MROH2A: variants seen among roughly 807,000 people sequenced by gnomAD.
The protein encoded by MROH2A is maestro heat-like repeat-containing protein family member 2A.
In MROH2A, 174 loss-of-function variants were observed where a neutral mutation model predicts 200.4. The observed-to-expected ratio is 0.87, with a 90% CI of 0.77 to 0.98. The LOEUF is 0.98. MROH2A is among the 50% of genes least tolerant of loss of function. The probability of loss-of-function intolerance (pLI) is 0.00; values close to 1 mark genes in which losing one functional copy is unlikely to be tolerated. For synonymous variants in MROH2A, 829 were observed against 840.4 expected (o/e 0.99, Z 0.23); for missense variants, 2,045 against 2,139.6 (o/e 0.96, Z 0.87).
In MROH2A at chr2:233,829,605, C is replaced by G. The variant is rs1704573797; in HGVS notation, c.4447-15C>G. 7.2e-7 allele frequency: 1 copy of G among 1,386,430 alleles called. No individual in the cohort carries two copies. Among genetic ancestry groups the G allele is most frequent in the Non-Finnish European group, 9.4e-7 (1 of 1,065,664 alleles). The allele number at this position is 1,386,430 out of a possible 1,614,324, so 85.9% of individuals were successfully genotyped here. ...CTGCTGCCTGCATGTCAGCCTGTGT[C>G]CATCCTGGCCACAGGAGAGCGAGCT... On this transcript the variant is annotated splice_polypyrimidine_tract_variant and intron_variant, in intron 37 of 41. Transcript: ENST00000389758.
chr2:233,814,154 G>C (rs917126871), intron 25 of MROH2A, among the ~76,000 whole-genome samples: 4 of 152,186 alleles, frequency 2.6e-5, no homozygotes, highest in African/African-American at 9.7e-5. Flanking sequence ...ATAGAAGAAA[G>C]AGAAAGTCTA....
intron 21 of MROH2A, 35 bp from the exon 22 acceptor site, chr2:233,809,091 G>GC: frequency 2.0e-6 from 3 of 1,532,462 alleles, no homozygotes; most frequent in South Asian, 1.2e-5. Flanking sequence ...AGCCCCTGCT[G>GC]CCCCCAGTGG....
chr2:233,831,931 T>A (rs950978474), intron 39 of MROH2A, among the ~76,000 whole-genome samples: 1 of 152,230 alleles, frequency 6.6e-6, no homozygotes, highest in African/African-American at 2.4e-5. Context: ...CTTGAAGTGC[T>A]GCAGGGTTAC....
intron 5 of MROH2A, among the ~76,000 whole-genome samples, chr2:233,791,416 G>A (rs751027921): frequency 3.3e-5 from 5 of 152,184 alleles, no homozygotes; most frequent in African/African-American, 7.2e-5. Flanking sequence ...CTCCTTTCCC[G>A]AGCTAGAAGC....
Position 233,807,332 on chromosome 2 carries a change from T to C in MROH2A, c.2053-91T>C. On this transcript the variant is annotated intron_variant, in intron 19 of 41. Coordinates refer to ENST00000389758, the MANE Select transcript of MROH2A (RefSeq NM_001394639.1). The surrounding 1 kb of genome is among the most constrained non-coding windows in gnomAD (Gnocchi z 4.3). ...GTATCTTCTGCACATTAAAATAAATTGAAAAATACGTAGAAAACTCTCTAC... is the reference window on the plus strand; with the variant it reads ...GTATCTTCTGCACATTAAAATAAATCGAAAAATACGTAGAAAACTCTCTAC... 7.4e-7 allele frequency: 1 copy of C among 1,347,690 alleles called. No homozygotes were observed. The highest frequency in any genetic ancestry group is 9.9e-7 in the Non-Finnish European group (1 of 1,008,848). The allele number at this position is 1,347,690 out of a possible 1,614,324, so 83.5% of individuals were successfully genotyped here.
intron 24 of MROH2A, among the ~76,000 whole-genome samples, chr2:233,813,140 A>C (rs186797855): frequency 2.0e-5 from 3 of 152,392 alleles, no homozygotes; most frequent in Non-Finnish European, 2.9e-5. Context: ...GCTAGCATGC[A>C]CCAATCACTA....
At chr2:233,831,361 A>C in intron 38 of MROH2A, 48 bp from the exon 39 acceptor site, 1 of 1,504,726 alleles carries the variant, frequency 6.6e-7, no homozygotes, top group Non-Finnish European at 8.9e-7. Flanking sequence ...CCTCTGGGGA[A>C]CCACGTGGCC....
intron 41 of MROH2A, 115 bp downstream of exon 41, chr2:233,832,759 G>T: frequency 1.5e-6 from 1 of 656,798 alleles, no homozygotes; most frequent in Non-Finnish European, 2.6e-6. Context: ...GGGTTTCGGG[G>T]GGGTGGGAGT....
intron 3 of MROH2A, among the ~76,000 whole-genome samples, chr2:233,783,235 T>C (rs1259228789): frequency 6.6e-6 from 1 of 152,204 alleles, no homozygotes; most frequent in African/African-American, 2.4e-5. Context: ...CCTTGTAGTA[T>C]GAGTTTGGCA....
rs1480146289 is a variant in MROH2A, at chr2:233,807,161, T to TAA, written c.2053-261_2053-260dup. Reference sequence around the variant, plus strand: ...AGTAGTATTCCATTATATATATATATAATATGAACTGATATATGTATATAT... The same window carrying TAA: ...AGTAGTATTCCATTATATATATATATAAAATATGAACTGATATATGTATATAT... On this transcript the variant is annotated intron_variant, in intron 19 of 41. Coordinates refer to ENST00000389758, the MANE Select transcript of MROH2A (RefSeq NM_001394639.1). This position sits in a 1 kb window ranked among gnomAD's most constrained non-coding sequence, Gnocchi z 4.3. Among the ~76,000 whole-genome samples, 1 of 151,684 alleles carries TAA rather than the reference T, an allele frequency of 6.6e-6. No individual in the cohort carries two copies. Among genetic ancestry groups the TAA allele is most frequent in the African/African-American group, 2.4e-5 (1 of 41,214 alleles).
At chr2:233,817,262 C>A (rs540013126) in intron 27 of MROH2A, among the ~76,000 whole-genome samples, 6 of 152,284 alleles carry the variant, frequency 3.9e-5, no homozygotes, top group African/African-American at 1.2e-4. Context: ...ATGTCTAGAA[C>A]GACGTAGTGT....
At chr2:233,810,382 T>C (rs1039468037) in intron 22 of MROH2A, among the ~76,000 whole-genome samples, 7 of 152,224 alleles carry the variant, frequency 4.6e-5, no homozygotes, top group African/African-American at 1.7e-4. Context: ...TGGAAACCCC[T>C]GATAAACCCA....
upstream of MROH2A, among the ~76,000 whole-genome samples, chr2:233,777,833 G>A (rs554222735): frequency 6.6e-6 from 1 of 152,322 alleles, no homozygotes; most frequent in South Asian, 2.1e-4. Context: ...AAATGACAGG[G>A]AAATCCTTTG....
intron 3 of MROH2A, among the ~76,000 whole-genome samples, chr2:233,788,365 A>G (rs151266686): frequency 2.5e-4 from 37 of 150,608 alleles, no homozygotes; most frequent in African/African-American, 8.5e-4. Context: ...CACATCATTA[A>G]TTTCTGGGAG....
chr2:233,789,652 G>T, intron 4 of MROH2A, 24 bp downstream of exon 4: 1 of 1,450,620 alleles, frequency 6.9e-7, no homozygotes, highest in East Asian at 2.5e-5. Context: ...CTCCATCGGT[G>T]CCTTCCCTCT....
At position 233,818,080 on chromosome 2, in the gene MROH2A, C is replaced by G; in HGVS notation, c.3040C>G (p.Arg1014Gly). Residue 1014 changes from arginine to glycine, a missense_variant, in exon 28 of 42, where the codon CGC becomes GGC. Physicochemically the swap from Arg to Gly is moderately radical, Grantham distance 125. Around this residue, in one of 3 missense-constraint regions of MROH2A, gnomAD observed 1,201 missense variants for 1,311.3 expected, o/e 0.92. Coordinates refer to ENST00000389758, the MANE Select transcript of MROH2A (RefSeq NM_001394639.1). The stretch of plus-strand genomic sequence containing the variant: ...CACCTGTGATGCCCATCAAAGAACC[C>G]GCATGGCCTCAATGAATGTCCTGTC... Reference protein sequence around the residue: ...PCTCDAHQRTRMASMNVLSSL... With the variant: ...PCTCDAHQRTGMASMNVLSSL... The G allele has an allele frequency of 6.4e-7, 1 of 1,550,980 alleles. No homozygotes were observed.
In MROH2A at chr2:233,807,626, T is replaced by TTGTG. The variant is rs143612294; in HGVS notation, c.2173-95_2173-92dup. The TTGTG allele has an allele frequency of 4.1e-6, 6 of 1,460,842 alleles. No individual in the cohort carries two copies. In the African/African-American group the frequency reaches 7.2e-5, roughly 17 times the overall value. 90.5% of individuals were successfully genotyped at this position (1,460,842 alleles called of 1,614,324 possible). On this transcript the variant is annotated intron_variant, in intron 20 of 41. Coordinates refer to ENST00000389758, the MANE Select transcript of MROH2A (RefSeq NM_001394639.1). The surrounding 1 kb of genome is among the most constrained non-coding windows in gnomAD (Gnocchi z 4.3). ...GTGTGTTCATGTGGCTGCATGCGTT[T>TTGTG]TGTGTGTGTGTGTGTACATGTGTGT...
At position 233,800,301 on chromosome 2, in the gene MROH2A, A is replaced by C; in HGVS notation, c.1546A>C (p.Ser516Arg). ...TGTGAAGATCATTACCTCTTCTGTC[A>C]GTGGGATGACCACCGTGAGTGGGCC... Reference protein sequence around the residue: ...DTVKIITSSVSGMTTEFWVRL... With the variant: ...DTVKIITSSVRGMTTEFWVRL... Residue 516 changes from serine to arginine, a missense_variant, in exon 14 of 42, where the codon AGT becomes CGT. By Grantham distance (110) the Ser-to-Arg change is moderately radical (BLOSUM62 -1). Coordinates refer to ENST00000389758, the MANE Select transcript of MROH2A (RefSeq NM_001394639.1). 1 of 1,547,926 alleles carries C rather than the reference A, an allele frequency of 6.5e-7. No individual in the cohort carries two copies. Among genetic ancestry groups the C allele is most frequent in the South Asian group, 1.2e-5 (1 of 83,800 alleles).
Position 233,779,689 on chromosome 2 carries a change from T to C in MROH2A, c.113T>C (p.Val38Ala). 1 of 1,551,170 alleles carries C rather than the reference T, an allele frequency of 6.4e-7. No homozygotes were observed. The highest frequency in any genetic ancestry group is 8.7e-7 in the Non-Finnish European group (1 of 1,147,122). ...TTCATAGGTACCTTTCAACAAGTCG[T>C]GAACCTTCTGGACATCATTGACAGC... ...LHDSGTFQQV[V>A]NLLDIIDSES... The change falls in exon 3 of 42, where the codon GTG becomes GCG. Residue 38 changes from valine to alanine, a missense_variant. Physicochemically the swap from Val to Ala is moderately conservative, Grantham distance 64. This residue lies in a region of MROH2A where 831 missense variants were observed against 800.0 expected (regional missense o/e 1.04). Coordinates refer to ENST00000389758, the MANE Select transcript of MROH2A (RefSeq NM_001394639.1).
Sources: allele counts gnomAD v4.1 joint callset (sites outside exome capture counted in the v4.1 genomes callset), GRCh38; gene constraint gnomAD v4.1.1; regional missense constraint gnomAD v4.1.1; non-coding constraint Gnocchi (gnomAD v3.1); transcripts MANE v1.5; gene names NCBI Gene and HGNC (gene_info 2026-07-23, HGNC 2026-07-21).